Variants in TDP2 observed in about 807,000 individuals in gnomAD.
TDP2 encodes tyrosyl-DNA phosphodiesterase 2, also known as 5'-Tyr-DNA phosphodiesterase.
In TDP2, 38 loss-of-function variants were observed where a neutral mutation model predicts 42.8. The ratio of observed to expected loss-of-function variants is 0.89; its 90% CI spans 0.68 to 1.16. The LOEUF (loss-of-function observed/expected upper bound fraction) is 1.16. Among genes scored for constraint, TDP2 ranks in the 50% most tolerant of loss-of-function variants. The probability of loss-of-function intolerance (pLI) is 0.00; values close to 1 mark genes in which losing one functional copy is unlikely to be tolerated. For synonymous variants in TDP2, 173 were observed against 150.6 expected (o/e 1.15, Z -1.09); for missense variants, 439 against 439.3 (o/e 1.00, Z 0.01).
Position 24,660,499 on chromosome 6 carries a change from T to C in TDP2, c.252-1765A>G, listed in dbSNP as rs371457221. 1.8e-3 allele frequency among the ~76,000 whole-genome samples: 277 copies of C among 152,340 alleles called. 2 individuals are homozygous for C. The highest frequency in any genetic ancestry group is 5.7e-3 in the African/African-American group (236 of 41,584). On this transcript the variant is annotated intron_variant, in intron 2 of 6. Coordinates refer to ENST00000378198, the MANE Select transcript of TDP2 (RefSeq NM_016614.3). ...AAAAATACCTAATATAGAAAAGGTA[T>C]AGCAAAAATACAGTAATATAATCTT...
intron 6 of TDP2, 164 bp downstream of exon 6, chr6:24,652,819 A>G (rs958321449): frequency 3.1e-5 from 21 of 688,026 alleles, no homozygotes; most frequent in Middle Eastern, 2.7e-4. Flanking sequence ...TTCTTCCCCT[A>G]GGCATACAGC....
At chr6:24,660,192 T>C (rs376317109) in intron 2 of TDP2, among the ~76,000 whole-genome samples, 1 of 152,274 alleles carries the variant, frequency 6.6e-6, no homozygotes, top group Non-Finnish European at 1.5e-5. Context: ...ATTCTTTTTA[T>C]TCTGAACCAT....
intron 6 of TDP2, among the ~76,000 whole-genome samples, chr6:24,651,706 C>A (rs1477901167): frequency 1.3e-5 from 2 of 152,042 alleles, no homozygotes; most frequent in Non-Finnish European, 2.9e-5. Flanking sequence ...AGTGCCTCAG[C>A]CTTCTGCATA....
chr6:24,662,050 G>A (rs1413920390), intron 2 of TDP2, among the ~76,000 whole-genome samples: 1 of 152,166 alleles, frequency 6.6e-6, no homozygotes, highest in Admixed American at 6.5e-5. Context: ...CAAGCAGTAT[G>A]CTTGGTAAAA....
At chr6:24,654,271 G>C (rs1159363503) in intron 5 of TDP2, 141 bp downstream of exon 5, 1 of 432,034 alleles carries the variant, frequency 2.3e-6, no homozygotes, top group East Asian at 3.7e-5. Flanking sequence ...TAATTTTAGA[G>C]AGTGTTAAAG....
At chr6:24,654,592 C>T (rs1399625179) in intron 4 of TDP2, 62 bp from the exon 5 acceptor site, 3 of 895,746 alleles carry the variant, frequency 3.3e-6, no homozygotes, top group East Asian at 2.5e-5. Context: ...CAGTTTACCA[C>T]AAGTTTGCCT....
intron 2 of TDP2, among the ~76,000 whole-genome samples, chr6:24,661,112 CTGT>C (rs1778141890): frequency 6.6e-6 from 1 of 152,194 alleles, no homozygotes; most frequent in African/African-American, 2.4e-5. Flanking sequence ...TGTAAATATG[CTGT>C]TGTTCACTGA....
At chr6:24,658,298 T>C (rs911398805) in intron 3 of TDP2, among the ~76,000 whole-genome samples, 1 of 152,134 alleles carries the variant, frequency 6.6e-6, no homozygotes, top group Non-Finnish European at 1.5e-5. Flanking sequence ...AAATAGATCT[T>C]TTTGGTAGTT....
At chr6:24,651,625 T>C (rs1777976573) in intron 6 of TDP2, among the ~76,000 whole-genome samples, 2 of 61,696 alleles carry the variant, frequency 3.2e-5, no homozygotes, top group African/African-American at 7.0e-5. Context: ...GGAGTCTCAC[T>C]CTGTTGCCCA....
At chr6:24,661,062 C>G (rs1411863070) in intron 2 of TDP2, among the ~76,000 whole-genome samples, 1 of 152,130 alleles carries the variant, frequency 6.6e-6, no homozygotes, top group Non-Finnish European at 1.5e-5. Flanking sequence ...TAATTTTCCC[C>G]ATCATAGTAA....
intron 2 of TDP2, among the ~76,000 whole-genome samples, chr6:24,661,083 G>T (rs932048936): frequency 2.0e-5 from 3 of 152,076 alleles, no homozygotes; most frequent in African/African-American, 7.2e-5. Flanking sequence ...GTATTTTGTG[G>T]GAAAGTACTT....
intron 5 of TDP2, among the ~76,000 whole-genome samples, chr6:24,653,379 A>G (rs1778004332): frequency 6.6e-6 from 1 of 152,144 alleles, no homozygotes; most frequent in African/African-American, 2.4e-5. Flanking sequence ...TGTCACCTCC[A>G]CTGTGAACCT....
At position 24,650,704 on chromosome 6, in the gene TDP2, T is replaced by C. The variant is rs1235362306; in HGVS notation, c.*84A>G. Reference sequence around the variant, plus strand: ...TCTGTGACAATGATCTAGTACATTATTTCCTCCACAGCAAACCTACCTTTC... The same window carrying C: ...TCTGTGACAATGATCTAGTACATTACTTCCTCCACAGCAAACCTACCTTTC... On this transcript the variant is annotated 3_prime_UTR_variant, in exon 7 of 7. Transcript: ENST00000378198. 1 of 1,389,516 alleles carries C rather than the reference T, an allele frequency of 7.2e-7. No individual in the cohort carries two copies. Among genetic ancestry groups the C allele is most frequent in the African/African-American group, 1.4e-5 (1 of 69,060 alleles). The allele number at this position is 1,389,516 out of a possible 1,614,324, so 86.1% of individuals were successfully genotyped here. A position where few individuals can be genotyped will look rare whatever the true frequency, so the allele number is the denominator to read the frequency against.
chr6:24,654,877 C>A (rs1383240135), intron 4 of TDP2, among the ~76,000 whole-genome samples: 2 of 151,910 alleles, frequency 1.3e-5, no homozygotes, highest in Non-Finnish European at 2.9e-5. Context: ...CCTGCCTCTA[C>A]AAAACACAAA....
chr6:24,666,619 A>G lies in TDP2; in HGVS notation c.166-8T>C. 1 of 1,614,186 alleles carries G rather than the reference A, an allele frequency of 6.2e-7. No individual in the cohort carries two copies. The highest frequency in any genetic ancestry group is 8.5e-7 in the Non-Finnish European group (1 of 1,180,016). On this transcript the variant is annotated splice_polypyrimidine_tract_variant and splice_region_variant and intron_variant, in intron 1 of 6. Coordinates refer to ENST00000378198, the MANE Select transcript of TDP2 (RefSeq NM_016614.3). ...GTAGGAGTTCAGAGCCCTCTGAAAA[A>G]CAAAGGCACAAGGGATGAGGTTTGT...
In TDP2 at chr6:24,654,427, G is replaced by T. The variant is rs1778027084; in HGVS notation, c.621C>A (p.Asn207Lys). ...AATTACTCACATGCACACATAAAAGGTTTCTCATCATTTTGGTACTTGGAA... is the reference window on the plus strand; with the variant it reads ...AATTACTCACATGCACACATAAAAGTTTTCTCATCATTTTGGTACTTGGAA... Reference protein sequence around the residue: ...IPFPSTKMMRNLLCVHVNVSG... With the variant: ...IPFPSTKMMRKLLCVHVNVSG... The change falls in exon 5 of 7, where the codon AAC (asparagine) becomes AAA (lysine). Residue 207 changes from asparagine (N) to lysine (K), a missense_variant. Asn to Lys is a moderately conservative substitution (Grantham distance 94). Transcript: ENST00000378198. 3.9e-6 allele frequency: 6 copies of T among 1,522,780 alleles called. No individual in the cohort carries two copies. The highest frequency in any genetic ancestry group is 4.5e-6 in the Non-Finnish European group (5 of 1,114,306). The allele number at this position is 1,522,780 out of a possible 1,614,324, so 94.3% of individuals were successfully genotyped here.
rs1777997820 is a variant in TDP2 at position 24,653,003 on chromosome 6, T to C, written c.787A>G (p.Thr263Ala). 6.2e-7 allele frequency: 1 copy of C among 1,613,650 alleles called. No homozygotes were observed. The highest frequency in any genetic ancestry group is 8.5e-7 in the Non-Finnish European group (1 of 1,180,042). Reference sequence around the variant, plus strand: ...CTCACCTCTCGATCCCTTAGATTTGTATCTCCTGCAAATATAACTGTAGCT... The same window carrying C: ...CTCACCTCTCGATCCCTTAGATTTGCATCTCCTGCAAATATAACTGTAGCT... ...ESATVIFAGD[T>A]NLRDREVTRC... The change falls in exon 6 of 7, where the codon ACA becomes GCA. Residue 263 changes from threonine (T) to alanine (A), a missense_variant. Transcript: ENST00000378198.
At chr6:24,662,331 A>C (rs1778163894) in intron 2 of TDP2, among the ~76,000 whole-genome samples, 1 of 152,108 alleles carries the variant, frequency 6.6e-6, no homozygotes, top group Non-Finnish European at 1.5e-5. Flanking sequence ...CTGGGAATGG[A>C]ATGTCTCGGT....
At chr6:24,666,277 C>A in intron 2 of TDP2, 1 of 1,539,808 alleles carries the variant, frequency 6.5e-7, no homozygotes, top group Non-Finnish European at 8.8e-7. Flanking sequence ...TTAAACATTA[C>A]ATTTCCATCT....
Sources: allele counts gnomAD v4.1 joint callset (sites outside exome capture counted in the v4.1 genomes callset), GRCh38; gene constraint gnomAD v4.1.1; transcripts MANE v1.5; gene names NCBI Gene and HGNC (gene_info 2026-07-23, HGNC 2026-07-21).